HFM1: variants seen among roughly 807,000 people sequenced by gnomAD.
The protein encoded by HFM1 is probable ATP-dependent DNA helicase HFM1.
HFM1 carries 169 observed loss-of-function variants against 192.1 expected under a neutral mutation model. That is an observed-to-expected ratio of 0.88 (90% CI 0.78 to 1.00). The LOEUF (loss-of-function observed/expected upper bound fraction) is 1.00, where lower values mean the gene tolerates loss of function less well. Ranked by LOEUF, HFM1 falls within the 50% of genes least tolerant of loss-of-function variation. The pLI, the probability that HFM1 is intolerant of heterozygous loss-of-function variation, is 0.00. For synonymous variants in HFM1, 525 were observed against 537.8 expected (o/e 0.98, Z 0.33); for missense variants, 1,661 against 1,668.0 (o/e 1.00, Z 0.07).
intron 20 of HFM1, among the ~76,000 whole-genome samples, chr1:91,331,033 G>A (rs1653750653): frequency 6.6e-6 from 1 of 152,182 alleles, no homozygotes; most frequent in East Asian, 1.9e-4. Context: ...ACTGAATGGG[G>A]ATAAACGGAA....
At position 91,261,347 on chromosome 1, in the gene HFM1, A is replaced by G; in HGVS notation, c.4251T>C (p.Pro1417=). 1 of 1,411,456 alleles carries G rather than the reference A, an allele frequency of 7.1e-7. No homozygotes were observed. The allele number at this position is 1,411,456 out of a possible 1,614,324, so 87.4% of individuals were successfully genotyped here. The change falls in exon 39 of 39, where the codon CCT becomes CCC. Residue 1417 remains proline, a synonymous_variant. Transcript: ENST00000370425. The part of the protein sequence containing the change: ...KKEVDFSMYH[P]DDEADEMKSL... Reference sequence around the variant, plus strand: ...ACTTCATTTCATCAGCTTCATCATCAGGATGATACATACTGGGAGAAAGAA... The same window carrying G: ...ACTTCATTTCATCAGCTTCATCATCGGGATGATACATACTGGGAGAAAGAA...
At chr1:91,344,131 T>C (rs1032254871) in intron 19 of HFM1, among the ~76,000 whole-genome samples, 2 of 152,210 alleles carry the variant, frequency 1.3e-5, no homozygotes, top group African/African-American at 4.8e-5. Context: ...TTTGTTTCTC[T>C]GACAGGAAGC....
At chr1:91,289,923 C>A (rs1344520870) in intron 30 of HFM1, among the ~76,000 whole-genome samples, 1 of 151,894 alleles carries the variant, frequency 6.6e-6, no homozygotes, top group African/African-American at 2.4e-5. Context: ...TAATTTTCAG[C>A]CCAGAATTTC....
intron 11 of HFM1, among the ~76,000 whole-genome samples, chr1:91,377,015 GATAA>G (rs1483244439): frequency 6.6e-6 from 1 of 151,276 alleles, no homozygotes; most frequent in Admixed American, 6.6e-5. Context: ...TATAGTGTTT[GATAA>G]ATAAATTACA....
Position 91,334,656 on chromosome 1 carries a change from C to A in HFM1, c.2335+8774G>T, listed in dbSNP as rs143073008. On this transcript the variant is annotated intron_variant, in intron 20 of 38. Coordinates refer to ENST00000370425, the MANE Select transcript of HFM1 (RefSeq NM_001017975.6). The stretch of plus-strand genomic sequence containing the variant: ...TAAGAGGTTACTGGATTCGGCCGGG[C>A]GCATTGGCTCACACCTGTAATCCCA... 2.5e-3 allele frequency among the ~76,000 whole-genome samples: 376 copies of A among 152,072 alleles called. 7 individuals carry two copies. Among genetic ancestry groups the A allele is most frequent in the Admixed American group, 4.4e-3 (67 of 15,262 alleles).
At chr1:91,338,237 C>T (rs929681969) in intron 20 of HFM1, among the ~76,000 whole-genome samples, 1 of 152,164 alleles carries the variant, frequency 6.6e-6, no homozygotes, top group African/African-American at 2.4e-5. Flanking sequence ...TGTGTGGAGC[C>T]CAAAGGGTTT....
chr1:91,348,070 G>T (rs925775860), intron 18 of HFM1, among the ~76,000 whole-genome samples: 1 of 152,012 alleles, frequency 6.6e-6, no homozygotes, highest in Non-Finnish European at 1.5e-5. Flanking sequence ...GGAGCATGAG[G>T]GAACATCTAG....
At chr1:91,386,909 A>G (rs1662276687) in intron 4 of HFM1, among the ~76,000 whole-genome samples, 1 of 152,216 alleles carries the variant, frequency 6.6e-6, no homozygotes, top group South Asian at 2.1e-4. Flanking sequence ...GATATAAACT[A>G]AGTATATTAG....
chr1:91,292,865 A>C (rs1354527894), intron 30 of HFM1, among the ~76,000 whole-genome samples: 2 of 152,170 alleles, frequency 1.3e-5, no homozygotes, highest in Non-Finnish European at 2.9e-5. Flanking sequence ...ATATAGATCA[A>C]TGGAACAGAA....
chr1:91,278,195 G>C (rs1667128037), intron 30 of HFM1, among the ~76,000 whole-genome samples: 1 of 151,660 alleles, frequency 6.6e-6, no homozygotes, highest in African/African-American at 2.4e-5. Flanking sequence ...AGAAATAAAT[G>C]CTTTAGGGAT....
chr1:91,285,856 T>A (rs896995530), intron 30 of HFM1, among the ~76,000 whole-genome samples: 6 of 152,332 alleles, frequency 3.9e-5, no homozygotes, highest in African/African-American at 1.4e-4. Context: ...CTGTCCTGGA[T>A]GTGAATCATT....
chr1:91,332,302 A>G (rs1176800849), intron 20 of HFM1, among the ~76,000 whole-genome samples: 1 of 152,212 alleles, frequency 6.6e-6, no homozygotes, highest in Non-Finnish European at 1.5e-5. Context: ...AGAAATCCAC[A>G]CACATCCAGT....
upstream of HFM1, among the ~76,000 whole-genome samples, chr1:91,405,361 A>G (rs1664752150): frequency 6.6e-6 from 1 of 152,270 alleles, no homozygotes; most frequent in African/African-American, 2.4e-5. Flanking sequence ...AAACATGAAC[A>G]AACTATAAAT....
intron 23 of HFM1, among the ~76,000 whole-genome samples, chr1:91,321,198 T>C (rs1433329878): frequency 6.6e-6 from 1 of 152,130 alleles, no homozygotes; most frequent in Non-Finnish European, 1.5e-5. Context: ...TCCCAGCACT[T>C]TGGGAGGCCG....
At chr1:91,404,035 G>A (rs960819938) in intron 1 of HFM1, among the ~76,000 whole-genome samples, 4 of 152,128 alleles carry the variant, frequency 2.6e-5, no homozygotes, top group African/African-American at 9.7e-5. Flanking sequence ...GTGAGTTAAG[G>A]AAGAAGTAGG....
At chr1:91,287,889 G>A (rs1319657910) in intron 30 of HFM1, among the ~76,000 whole-genome samples, 6 of 152,122 alleles carry the variant, frequency 3.9e-5, no homozygotes, top group South Asian at 2.1e-4. Context: ...GAGCCGATGC[G>A]ATGAATTGGA....
At chr1:91,399,100 T>C (rs529800629) in intron 2 of HFM1, among the ~76,000 whole-genome samples, 1 of 152,292 alleles carries the variant, frequency 6.6e-6, no homozygotes, top group Admixed American at 6.5e-5. Flanking sequence ...ATTAATCCAT[T>C]CAGTAATTAC....
intron 13 of HFM1, among the ~76,000 whole-genome samples, chr1:91,370,579 T>A (rs1294429361): frequency 1.3e-5 from 2 of 152,162 alleles, no homozygotes; most frequent in Non-Finnish European, 2.9e-5. Context: ...TAGGTATTGA[T>A]TGGATGTATC....
rs767289102 is a variant in HFM1 at position 91,351,619 on chromosome 1, T to C, written c.2002A>G (p.Ile668Val). 5.6e-6 allele frequency: 9 copies of C among 1,599,588 alleles called. No homozygotes were observed. Among genetic ancestry groups the C allele is most frequent in the Non-Finnish European group, 7.7e-6 (9 of 1,170,656 alleles). ...TCCCTTGTGCTTAATCGAGTCATGA[T>C]AACTGCAGTAGCTGTAGTGTCAAAC... ...PQFDTTATAV[I>V]MTRLSTRDKY... Residue 668 changes from isoleucine (I) to valine (V), a missense_variant, in exon 17 of 39, where the codon ATC (isoleucine) becomes GTC (valine). Physicochemically the swap from Ile to Val is conservative, Grantham distance 29. Transcript: ENST00000370425.
Sources: allele counts gnomAD v4.1 joint callset (sites outside exome capture counted in the v4.1 genomes callset), GRCh38; gene constraint gnomAD v4.1.1; transcripts MANE v1.5; gene names NCBI Gene and HGNC (gene_info 2026-07-23, HGNC 2026-07-21).